KREMEN1: variants seen among roughly 807,000 people sequenced by gnomAD.
KREMEN1 encodes the protein kremen protein 1.
KREMEN1 carries 30 observed loss-of-function variants against 46.5 expected under a neutral mutation model. The ratio of observed to expected loss-of-function variants is 0.65; its 90% CI spans 0.48 to 0.88. The LOEUF is 0.88. Ranked by LOEUF, KREMEN1 falls within the 40% of genes least tolerant of loss-of-function variation. The probability of loss-of-function intolerance (pLI) is 0.00; values close to 1 mark genes in which losing one functional copy is unlikely to be tolerated. For synonymous variants in KREMEN1, 214 were observed against 230.6 expected (o/e 0.93, Z 0.65); for missense variants, 533 against 596.9 (o/e 0.89, Z 1.11).
Position 29,145,858 on chromosome 22 carries a change from G to T in KREMEN1, c.*3746G>T. 5.1e-6 allele frequency: 5 copies of T among 985,544 alleles called. No homozygotes were observed. Among genetic ancestry groups the T allele is most frequent in the Non-Finnish European group, 6.0e-6 (5 of 829,948 alleles). The allele number at this position is 985,544 out of a possible 1,614,324, so 61.0% of individuals were successfully genotyped here. A position where few individuals can be genotyped will look rare whatever the true frequency, so the allele number is the denominator to read the frequency against. On this transcript the variant is annotated 3_prime_UTR_variant, in exon 9 of 9. Transcript: ENST00000400335. Reference sequence around the variant, plus strand: ...AAGCACTAGCAAGTTCAGCTGTCCTGGCCCTCGGGTAGAACCCACGGGCGT... The same window carrying T: ...AAGCACTAGCAAGTTCAGCTGTCCTTGCCCTCGGGTAGAACCCACGGGCGT...
intron 4 of KREMEN1, among the ~76,000 whole-genome samples, chr22:29,122,730 G>C (rs1485388431): frequency 1.3e-5 from 2 of 152,046 alleles, no homozygotes; most frequent in Non-Finnish European, 2.9e-5. Context: ...ACGAGGTCAG[G>C]AGTTGGAGAC....
intron 5 of KREMEN1, among the ~76,000 whole-genome samples, chr22:29,128,100 A>C (rs1041290775): frequency 6.6e-6 from 1 of 152,136 alleles, no homozygotes; most frequent in Admixed American, 6.5e-5. Context: ...ATATGGAGTG[A>C]CTGCTTAATA....
chr22:29,074,245 G>A (rs1378208029), intron 1 of KREMEN1, among the ~76,000 whole-genome samples: 2 of 152,244 alleles, frequency 1.3e-5, no homozygotes, highest in African/African-American at 4.8e-5. Context: ...CCGCTGGGCC[G>A]CTTTGAACTT....
At chr22:29,125,004 T>C (rs764699754) in intron 4 of KREMEN1, among the ~76,000 whole-genome samples, 9 of 152,210 alleles carry the variant, frequency 5.9e-5, no homozygotes, top group Non-Finnish European at 8.8e-5. Context: ...TTTCTCCCCC[T>C]TAAAACTTAC....
chr22:29,084,366 C>T (rs1389215373), intron 1 of KREMEN1, among the ~76,000 whole-genome samples: 1 of 152,130 alleles, frequency 6.6e-6, no homozygotes, highest in Non-Finnish European at 1.5e-5. Flanking sequence ...TCATTTTACC[C>T]ATCTGCTGTT....
At chr22:29,153,383 C>T (rs771673680) in intron 9 of KREMEN1, among the ~76,000 whole-genome samples, 5 of 152,134 alleles carry the variant, frequency 3.3e-5, no homozygotes, top group East Asian at 3.9e-4. Context: ...AAGATGGAGT[C>T]GCTCTGTTTC....
chr22:29,076,525 T>G (rs1294135136), intron 1 of KREMEN1, among the ~76,000 whole-genome samples: 1 of 152,232 alleles, frequency 6.6e-6, no homozygotes, highest in African/African-American at 2.4e-5. Flanking sequence ...GATATTTTTG[T>G]GAAAATATAC....
At chr22:29,107,218 CTTTTTTTTTTTT>C (rs1188000476) in intron 3 of KREMEN1, among the ~76,000 whole-genome samples, 1 of 111,926 alleles carries the variant, frequency 8.9e-6, no homozygotes, top group East Asian at 2.4e-4. Context: ...ACCATTTATA[CTTTTTTTTTTTT>C]TTTTTTTTTT....
At chr22:29,076,371 C>G (rs1221666777) in intron 1 of KREMEN1, among the ~76,000 whole-genome samples, 1 of 152,164 alleles carries the variant, frequency 6.6e-6, no homozygotes, top group Non-Finnish European at 1.5e-5. Flanking sequence ...TCTTGGTTCT[C>G]TTGGGGACTT....
At chr22:29,153,606 G>A (rs563112043) in intron 9 of KREMEN1, among the ~76,000 whole-genome samples, 4 of 152,070 alleles carry the variant, frequency 2.6e-5, no homozygotes, top group South Asian at 4.2e-4. Context: ...TGATCCTCTC[G>A]TCTTGGCCTC....
chr22:29,076,636 A>G (rs1347240465), intron 1 of KREMEN1, among the ~76,000 whole-genome samples: 1 of 152,190 alleles, frequency 6.6e-6, no homozygotes, highest in Non-Finnish European at 1.5e-5. Context: ...GGATCACCTG[A>G]GGTCAGGAGT....
intron 3 of KREMEN1, among the ~76,000 whole-genome samples, chr22:29,106,732 T>A (rs1325821233): frequency 6.6e-6 from 1 of 152,196 alleles, no homozygotes; most frequent in Non-Finnish European, 1.5e-5. Context: ...GGCTCTGGGA[T>A]GGATTCCGGC....
At chr22:29,132,718 A>G (rs2038581552) in intron 5 of KREMEN1, among the ~76,000 whole-genome samples, 1 of 152,332 alleles carries the variant, frequency 6.6e-6, no homozygotes, top group East Asian at 1.9e-4. Flanking sequence ...TGTCTAGTAC[A>G]GGTTGACTGT....
intron 9 of KREMEN1, among the ~76,000 whole-genome samples, chr22:29,157,200 T>G (rs1412170989): frequency 6.6e-6 from 1 of 152,222 alleles, no homozygotes; most frequent in Non-Finnish European, 1.5e-5. Flanking sequence ...GGTCTTCCCT[T>G]GGATGTAGCC....
intron 9 of KREMEN1, among the ~76,000 whole-genome samples, chr22:29,162,345 TAA>T (rs1232823070): frequency 6.6e-6 from 1 of 152,020 alleles, no homozygotes; most frequent in Non-Finnish European, 1.5e-5. Context: ...CTCAAAATAA[TAA>T]GAGCCATCTA....
chr22:29,158,658 A>G (rs1031202855), intron 9 of KREMEN1, among the ~76,000 whole-genome samples: 3 of 152,146 alleles, frequency 2.0e-5, no homozygotes, highest in Non-Finnish European at 2.9e-5. Context: ...CACAAATTAC[A>G]AAGTCAGTCC....
chr22:29,156,076 C>T (rs370535260), intron 9 of KREMEN1, among the ~76,000 whole-genome samples: 12 of 152,212 alleles, frequency 7.9e-5, no homozygotes, highest in African/African-American at 2.2e-4. Context: ...GTTTCCAGCA[C>T]GCACTAGGAG....
Position 29,094,403 on chromosome 22 carries a change from T to C in KREMEN1, c.243T>C (p.Gly81=). The C allele has an allele frequency of 6.2e-7, 1 of 1,613,252 alleles. No individual in the cohort carries two copies. Among genetic ancestry groups the C allele is most frequent in the Non-Finnish European group, 8.5e-7 (1 of 1,179,698 alleles). Residue 81 remains glycine, a synonymous_variant, in exon 2 of 9, where the codon GGT becomes GGC. Coordinates refer to ENST00000400335, the MANE Select transcript of KREMEN1 (RefSeq NM_001039570.3). ...LKYPNGEGGL[G]EHNYCRNPDG... Reference sequence around the variant, plus strand: ...ACCCCAACGGGGAGGGGGGCCTGGGTGAGCACAACTATTGCAGGTAAGATG... The same window carrying C: ...ACCCCAACGGGGAGGGGGGCCTGGGCGAGCACAACTATTGCAGGTAAGATG...
At chr22:29,112,549 T>C (rs1250384679) in intron 3 of KREMEN1, among the ~76,000 whole-genome samples, 1 of 152,238 alleles carries the variant, frequency 6.6e-6, no homozygotes, top group Non-Finnish European at 1.5e-5. Context: ...CCTGGGTTAA[T>C]GTGAATGGAG....
Sources: allele counts gnomAD v4.1 joint callset (sites outside exome capture counted in the v4.1 genomes callset), GRCh38; gene constraint gnomAD v4.1.1; transcripts MANE v1.5; gene names NCBI Gene and HGNC (gene_info 2026-07-23, HGNC 2026-07-21).